Variants in MCF2L2 observed in about 807,000 individuals in gnomAD.
The protein encoded by MCF2L2 is MCF.2 cell line derived transforming sequence-like 2.
MCF2L2 carries 102 observed loss-of-function variants against 150.2 expected under a neutral mutation model. The observed-to-expected ratio is 0.68, with a 90% CI of 0.58 to 0.80. The LOEUF (loss-of-function observed/expected upper bound fraction) is 0.80. MCF2L2 is among the 30% of genes least tolerant of loss of function. The probability of loss-of-function intolerance (pLI) is 0.00; values close to 1 mark genes in which losing one functional copy is unlikely to be tolerated. For missense variants in MCF2L2, 1,256 were observed against 1,372.8 expected, an observed-to-expected ratio of 0.91 and a Z score of 1.34; for synonymous variants, 465 against 491.3, an observed-to-expected ratio of 0.95 and a Z score of 0.71.
chr3:183,351,190 G>GTGTATATATA (rs1491563903), intron 3 of MCF2L2, among the ~76,000 whole-genome samples: 14 of 38,844 alleles, frequency 3.6e-4, no homozygotes, highest in African/African-American at 9.5e-4. Flanking sequence ...ATTTTCTTAA[G>GTGTATATATA]TATATATATA....
chr3:183,278,483 T>C (rs931656139), intron 14 of MCF2L2, among the ~76,000 whole-genome samples: 2 of 152,172 alleles, frequency 1.3e-5, no homozygotes, highest in African/African-American at 4.8e-5. Flanking sequence ...ATTTTCTATA[T>C]AAAGTTGAAC....
chr3:183,327,828 A>T (rs1730113062), intron 5 of MCF2L2, among the ~76,000 whole-genome samples: 1 of 152,234 alleles, frequency 6.6e-6, no homozygotes, highest in Non-Finnish European at 1.5e-5. Flanking sequence ...ATAGTAAGAA[A>T]TGTATTCAGT....
chr3:183,252,930 C>T lies in MCF2L2; in HGVS notation c.1863-21913G>A, dbSNP rs1724632853. Among the ~76,000 whole-genome samples, 3 of 152,262 alleles carry T rather than the reference C, an allele frequency of 2.0e-5. No individual in the cohort carries two copies. The South Asian group carries it at 6.2e-4, about 32-fold the overall frequency. On this transcript the variant is annotated intron_variant, in intron 15 of 29. Coordinates refer to ENST00000328913, the MANE Select transcript of MCF2L2 (RefSeq NM_015078.4). The stretch of plus-strand genomic sequence containing the variant: ...ATAATCTCTCTCGTTGAGTAGAAGT[C>T]CGCATCTCTCGATATTGTCTGGTTA...
In MCF2L2 at chr3:183,193,025, G is replaced by A. The variant is rs763343794; in HGVS notation, c.2990C>T (p.Pro997Leu). ...MERATTSKED[P>L]ASSTGGIKGC... is the part of the protein sequence containing the mutation. ...TTTAATCCCTCCTGTGCTGGAGGCC[G>A]GGTCTTCCTTGCTAGTGGTAGCTCT... Residue 997 changes from proline to leucine, a missense_variant, in exon 27 of 30, where the codon CCG becomes CTG. Pro to Leu is a moderately conservative substitution (Grantham distance 98). Coordinates refer to ENST00000328913, the MANE Select transcript of MCF2L2 (RefSeq NM_015078.4). The A allele has an allele frequency of 7.4e-6, 12 of 1,613,942 alleles. No individual in the cohort carries two copies. Among genetic ancestry groups the A allele is most frequent in the Admixed American group, 3.3e-5 (2 of 59,990 alleles).
At chr3:183,384,992 A>C (rs78460389) in intron 2 of MCF2L2, among the ~76,000 whole-genome samples, 8 of 152,340 alleles carry the variant, frequency 5.3e-5, no homozygotes, top group Admixed American at 1.3e-4. Flanking sequence ...TACCGAATCC[A>C]ACAGCCACTA....
intron 25 of MCF2L2, among the ~76,000 whole-genome samples, chr3:183,195,800 A>C (rs1307779849): frequency 1.3e-5 from 2 of 151,810 alleles, no homozygotes; most frequent in Admixed American, 1.3e-4. Context: ...TTCACCCTAT[A>C]CCTGACTCTC....
intron 20 of MCF2L2, among the ~76,000 whole-genome samples, chr3:183,220,134 T>TA (rs1723093167): frequency 6.6e-6 from 1 of 152,384 alleles, no homozygotes; most frequent in East Asian, 1.9e-4. Context: ...CACTATTTTG[T>TA]AGACTACTTT....
chr3:183,361,302 C>T (rs933284782), intron 3 of MCF2L2, among the ~76,000 whole-genome samples: 2 of 152,108 alleles, frequency 1.3e-5, no homozygotes, highest in African/African-American at 4.8e-5. Context: ...TACAAGAATG[C>T]TGGTAATGCT....
chr3:183,275,832 T>C (rs1727129671), intron 15 of MCF2L2, among the ~76,000 whole-genome samples: 3 of 152,166 alleles, frequency 2.0e-5, no homozygotes, highest in African/African-American at 7.2e-5. Flanking sequence ...CTCAGGCTGG[T>C]CTTCAACTCC....
At chr3:183,216,602 T>A (rs1560347513) in intron 21 of MCF2L2, among the ~76,000 whole-genome samples, 2 of 55,162 alleles carry the variant, frequency 3.6e-5, no homozygotes, top group African/African-American at 6.3e-5. Flanking sequence ...TTTTTTTTTT[T>A]TTTTTTTTTT....
Position 183,205,911 on chromosome 3 carries a change from C to T in MCF2L2, c.2849G>A (p.Ser950Asn), listed in dbSNP as rs1044499909. ...EIRDCWFSEI[S>N]KLLMEQQNNI... ...ATTTTGTTGTTCCATCAATAATTTA[C>T]TTATTTCTGAAAACCAACAGTCTCT... is the stretch of plus-strand genomic sequence containing the variant. The change falls in exon 25 of 30, where the codon AGT (serine) becomes AAT (asparagine). Residue 950 changes from serine (S) to asparagine (N), a missense_variant. Physicochemically the swap from Ser to Asn is conservative, Grantham distance 46. Coordinates refer to ENST00000328913, the MANE Select transcript of MCF2L2 (RefSeq NM_015078.4). 8.1e-6 allele frequency: 13 copies of T among 1,613,932 alleles called. No individual in the cohort carries two copies. Among genetic ancestry groups the T allele is most frequent in the Non-Finnish European group, 1.1e-5 (13 of 1,179,932 alleles).
chr3:183,261,697 T>C (rs1345668481), intron 15 of MCF2L2, among the ~76,000 whole-genome samples: 2 of 152,054 alleles, frequency 1.3e-5, no homozygotes, highest in Non-Finnish European at 1.5e-5. Context: ...GTATTTTATT[T>C]CCCCCGCAAG....
chr3:183,188,675 C>T (rs1721778436), intron 27 of MCF2L2, among the ~76,000 whole-genome samples: 2 of 152,104 alleles, frequency 1.3e-5, no homozygotes, highest in African/African-American at 4.8e-5. Context: ...CTGATCAAAG[C>T]AGTGTTATAC....
chr3:183,358,586 G>A lies in MCF2L2; in HGVS notation c.276-16956C>T, dbSNP rs184425906. Among the ~76,000 whole-genome samples the A allele has an allele frequency of 2.2e-4, 33 of 152,230 alleles. No individual in the cohort carries two copies. The East Asian group carries it at 6.2e-3, about 29-fold the overall frequency. On this transcript the variant is annotated intron_variant, in intron 3 of 29. Transcript: ENST00000328913. ...TATCACAATGAACTGAAAATTGAAG[G>A]GAAGTGTGAATATTCAACAGGTTGG...
chr3:183,397,291 G>T (rs1008362939), intron 1 of MCF2L2, among the ~76,000 whole-genome samples: 1 of 152,196 alleles, frequency 6.6e-6, no homozygotes, highest in African/African-American at 2.4e-5. Context: ...TCCGTGTCTG[G>T]CAAGGACTTC....
intron 15 of MCF2L2, among the ~76,000 whole-genome samples, chr3:183,241,827 A>G (rs1724038702): frequency 6.6e-6 from 1 of 152,228 alleles, no homozygotes; most frequent in African/African-American, 2.4e-5. Context: ...AAGATGTGGT[A>G]AAGTTTGGAA....
intron 3 of MCF2L2, among the ~76,000 whole-genome samples, chr3:183,349,775 C>A (rs1731040185): frequency 6.6e-6 from 1 of 152,224 alleles, no homozygotes; most frequent in South Asian, 2.1e-4. Context: ...TACTGATGCT[C>A]TTCACCCTAT....
intron 8 of MCF2L2, 104 bp from the exon 9 acceptor site, chr3:183,311,133 A>C: frequency 1.5e-6 from 1 of 652,092 alleles, no homozygotes; most frequent in South Asian, 1.9e-5. Context: ...CAGTGGTGTC[A>C]ATTGTGACCA....
rs145624804 is a variant in MCF2L2 at position 183,180,403 on chromosome 3, C to T, written c.3017-244G>A. On this transcript the variant is annotated intron_variant, in intron 27 of 29. Transcript: ENST00000328913. Reference sequence around the variant, plus strand: ...GTCCACATGCTGTTCATGGCCCTACCTCCCCGTTCCTCCAAGAAAACAGTC... The same window carrying T: ...GTCCACATGCTGTTCATGGCCCTACTTCCCCGTTCCTCCAAGAAAACAGTC... The T allele has an allele frequency of 1.3e-3, 552 of 432,542 alleles. 5 individuals are homozygous for T. In the East Asian group the frequency reaches 0.016, roughly 13 times the overall value. The allele number at this position is 432,542 out of a possible 1,614,324, so 26.8% of individuals were successfully genotyped here.
Sources: gnomAD v4.1 joint callset for allele counts (sites outside exome capture counted in the v4.1 genomes callset) on GRCh38, gnomAD v4.1.1 for gene constraint, MANE v1.5 for transcripts, NCBI Gene and HGNC (gene_info 2026-07-23, HGNC 2026-07-21) for gene names.